The following FAT3 variants were observed in gnomAD, a reference collection of about 807,000 sequenced individuals.
FAT3 encodes protocadherin Fat 3.
FAT3 carries 95 observed loss-of-function variants against 310.2 expected under a neutral mutation model. That is an observed-to-expected ratio of 0.31 (90% CI 0.26 to 0.36). The LOEUF (loss-of-function observed/expected upper bound fraction) is 0.36, where lower values mean the gene tolerates loss of function less well. Among genes scored for constraint, FAT3 ranks in the 10% least tolerant of loss-of-function variants. The pLI, the probability that FAT3 is intolerant of heterozygous loss-of-function variation, is 1.00. For missense variants in FAT3, 5,408 were observed against 5,715.6 expected, an observed-to-expected ratio of 0.95 and a Z score of 1.74; for synonymous variants, 2,314 against 2,192.9, an observed-to-expected ratio of 1.06 and a Z score of -1.54.
intron 1 of FAT3, among the ~76,000 whole-genome samples, chr11:92,347,308 G>A (rs994682723): frequency 6.6e-6 from 1 of 152,160 alleles, no homozygotes; most frequent in Non-Finnish European, 1.5e-5. Context: ...CTCCTGTCAA[G>A]GGGACTCTAT....
intron 3 of FAT3, among the ~76,000 whole-genome samples, chr11:92,570,337 A>G (rs895323866): frequency 4.6e-5 from 7 of 152,206 alleles, no homozygotes; most frequent in African/African-American, 1.2e-4. Flanking sequence ...GATTGAGCAT[A>G]TATGAAGTTC....
At chr11:92,739,423 C>G (rs1164495278) in intron 4 of FAT3, among the ~76,000 whole-genome samples, 2 of 152,228 alleles carry the variant, frequency 1.3e-5, no homozygotes, top group Non-Finnish European at 2.9e-5. Context: ...GCCTTAAAGC[C>G]TATTCAAGTA....
At chr11:92,545,339 A>G (rs1954581874) in intron 3 of FAT3, among the ~76,000 whole-genome samples, 1 of 152,040 alleles carries the variant, frequency 6.6e-6, no homozygotes, top group Non-Finnish European at 1.5e-5. Context: ...TATGTGACCT[A>G]TTTATTTTGT....
intron 13 of FAT3, among the ~76,000 whole-genome samples, chr11:92,811,824 A>C (rs1301916831): frequency 6.6e-6 from 1 of 152,208 alleles, no homozygotes; most frequent in East Asian, 1.9e-4. Context: ...CAGCCACAGG[A>C]AAACTGTGGC....
Position 92,891,653 on chromosome 11 carries a change from G to A in FAT3, c.*540G>A, listed in dbSNP as rs1292336039. On this transcript the variant is annotated 3_prime_UTR_variant, in exon 28 of 28. Transcript: ENST00000525166. ...CCTTTTAAATCAACTCTATTTTTTT[G>A]ATAAGCTGCCCAATTTTCAGCTATA... 6.2e-6 allele frequency: 1 copy of A among 160,444 alleles called. No homozygotes were observed. Among genetic ancestry groups the A allele is most frequent in the African/African-American group, 2.4e-5 (1 of 41,486 alleles). 9.9% of individuals were successfully genotyped at this position (160,444 alleles called of 1,614,324 possible). A position where few individuals can be genotyped will look rare whatever the true frequency, so the allele number is the denominator to read the frequency against.
At chr11:92,555,636 T>G (rs959523581) in intron 3 of FAT3, among the ~76,000 whole-genome samples, 4 of 152,190 alleles carry the variant, frequency 2.6e-5, no homozygotes, top group African/African-American at 9.7e-5. Flanking sequence ...CCTTTGTGCC[T>G]TGTGTCTGAG....
At chr11:92,533,966 C>A in intron 3 of FAT3, among the ~76,000 whole-genome samples, 1 of 152,138 alleles carries the variant, frequency 6.6e-6, no homozygotes, top group East Asian at 1.9e-4. Context: ...TGATTAAGGT[C>A]ATAAATTTCT....
At chr11:92,411,136 T>TTATATATATAAATTATATATATATATAA in intron 2 of FAT3, among the ~76,000 whole-genome samples, 1 of 106,234 alleles carries the variant, frequency 9.4e-6, no homozygotes, top group East Asian at 2.9e-4. Context: ...ATATTATATA[T>TTATATATATAAATTATATATATATATAA]TATATATATA....
chr11:92,581,339 G>C (rs1938787116), intron 3 of FAT3, among the ~76,000 whole-genome samples: 1 of 151,820 alleles, frequency 6.6e-6, no homozygotes, highest in South Asian at 2.1e-4. Context: ...CTCCCTCCTT[G>C]CAGTGAGGCT....
intron 3 of FAT3, among the ~76,000 whole-genome samples, chr11:92,600,843 T>C (rs1939982844): frequency 6.6e-6 from 1 of 152,078 alleles, no homozygotes; most frequent in Non-Finnish European, 1.5e-5. Flanking sequence ...TTAGAGAAGA[T>C]GGTTGGGGAA....
At chr11:92,613,147 G>A (rs1036200027) in intron 3 of FAT3, among the ~76,000 whole-genome samples, 1 of 152,116 alleles carries the variant, frequency 6.6e-6, no homozygotes, top group African/African-American at 2.4e-5. Context: ...GGCTCCATAT[G>A]TGCAGCTTTT....
intron 3 of FAT3, among the ~76,000 whole-genome samples, chr11:92,684,038 A>G (rs1280137424): frequency 6.6e-6 from 1 of 152,206 alleles, no homozygotes; most frequent in Non-Finnish European, 1.5e-5. Flanking sequence ...GTTTTCCCTA[A>G]GAATGAAGGA....
intron 3 of FAT3, among the ~76,000 whole-genome samples, chr11:92,636,675 G>A (rs1169081171): frequency 6.6e-6 from 1 of 152,200 alleles, no homozygotes; most frequent in East Asian, 1.9e-4. Flanking sequence ...GAGTAGCACA[G>A]TTTGGAATTT....
chr11:92,782,886 T>C (rs899517223), intron 7 of FAT3, among the ~76,000 whole-genome samples: 10 of 152,212 alleles, frequency 6.6e-5, no homozygotes, highest in Non-Finnish European at 1.0e-4. Context: ...ACCTTGAAGA[T>C]GTGGACTTTG....
chr11:92,616,243 G>A (rs887549508), intron 3 of FAT3, among the ~76,000 whole-genome samples: 2 of 152,028 alleles, frequency 1.3e-5, no homozygotes, highest in African/African-American at 2.4e-5. Context: ...GGCCTTCTTT[G>A]TCTCTTTTGA....
At chr11:92,508,685 A>G (rs1171930411) in intron 2 of FAT3, among the ~76,000 whole-genome samples, 1 of 152,152 alleles carries the variant, frequency 6.6e-6, no homozygotes, top group Non-Finnish European at 1.5e-5. Flanking sequence ...ATTTCACTTT[A>G]GGGAACCTTT....
chr11:92,688,050 T>G (rs1278382033), intron 3 of FAT3, among the ~76,000 whole-genome samples: 1 of 151,832 alleles, frequency 6.6e-6, no homozygotes, highest in Non-Finnish European at 1.5e-5. Flanking sequence ...AAAAAATTTT[T>G]TTAACTAGCT....
chr11:92,679,564 C>T (rs1351320035), intron 3 of FAT3, among the ~76,000 whole-genome samples: 1 of 151,718 alleles, frequency 6.6e-6, no homozygotes, highest in African/African-American at 2.4e-5. Flanking sequence ...ATGTTGAGGC[C>T]AGGCACGGTG....
Position 92,352,589 on chromosome 11 carries a change from A to T in FAT3, c.477A>T (p.Ser159=), listed in dbSNP as rs1948598019. ...TGAATGATCTGAGACCTTTGTTTTC[A>T]CCCACAACATACTCTGTTACCATAG... The part of the protein sequence containing the change: ...LDMNDLRPLF[S]PTTYSVTIAE... Residue 159 remains serine, a synonymous_variant, in exon 2 of 28, where the codon TCA becomes TCT. Coordinates refer to ENST00000525166, the MANE Select transcript of FAT3 (RefSeq NM_001367949.2). 1 of 1,613,798 alleles carries T rather than the reference A, an allele frequency of 6.2e-7. No individual in the cohort carries two copies. The highest frequency in any genetic ancestry group is 8.5e-7 in the Non-Finnish European group (1 of 1,179,846).
Sources: allele counts gnomAD v4.1 joint callset (sites outside exome capture counted in the v4.1 genomes callset), GRCh38; gene constraint gnomAD v4.1.1; transcripts MANE v1.5; gene names NCBI Gene and HGNC (gene_info 2026-07-23, HGNC 2026-07-21).